YPEL5: variants seen among roughly 807,000 people sequenced by gnomAD.
The protein encoded by YPEL5 is protein yippee-like 5.
In YPEL5, 1 loss-of-function variant was observed where a neutral mutation model predicts 10.5. The observed-to-expected ratio is 0.10, with a 90% CI of 0.03 to 0.45. The LOEUF is 0.45. Ranked by LOEUF, YPEL5 falls within the 20% of genes least tolerant of loss-of-function variation. The pLI is 0.97. For missense variants in YPEL5, 68 were observed against 159.3 expected (o/e 0.43, Z 3.09); for synonymous variants, 61 against 56.6 (o/e 1.08, Z -0.35).
At chr2:30,147,875 C>T (rs554335894) in intron 1 of YPEL5, 1 of 154,004 alleles carries the variant, frequency 6.5e-6, no homozygotes, top group East Asian at 1.9e-4. Context: ...CGCTCTGCCG[C>T]CCCGGTCCCT....
Position 30,158,947 on chromosome 2 carries a change from C to G in YPEL5, c.*104C>G, listed in dbSNP as rs1029734512. ...GCATCAGAGTCGGATTAATGAACTG[C>G]GGAACAAGAGGTTGTGAGAATCTAA... On this transcript the variant is annotated 3_prime_UTR_variant, in exon 3 of 3. Coordinates refer to ENST00000261353, the MANE Select transcript of YPEL5 (RefSeq NM_016061.3). 2 of 1,052,642 alleles carry G rather than the reference C, an allele frequency of 1.9e-6. No homozygotes were observed. The highest frequency in any genetic ancestry group is 2.8e-6 in the Non-Finnish European group (2 of 724,652). The allele number at this position is 1,052,642 out of a possible 1,614,324, so 65.2% of individuals were successfully genotyped here.
At chr2:30,147,568 G>A (rs959018271) in intron 1 of YPEL5, 5 of 151,214 alleles carry the variant, frequency 3.3e-5, no homozygotes, top group Admixed American at 1.3e-4. Flanking sequence ...GTCGGAACTT[G>A]ACCGAGTTGT....
In YPEL5 at chr2:30,158,508, A is replaced by C. The variant is rs1572762886; in HGVS notation, c.142-111A>C. On this transcript the variant is annotated intron_variant, in intron 2 of 2. Coordinates refer to ENST00000261353, the MANE Select transcript of YPEL5 (RefSeq NM_016061.3). ...GTATTATAGGTTTGACTAAACTAAC[A>C]AGTTCTTTCTCCTTTTCTGAAGTTG... 3.9e-6 allele frequency: 4 copies of C among 1,021,384 alleles called. No homozygotes were observed. In the East Asian group the frequency reaches 7.6e-5, roughly 19 times the overall value. The allele number at this position is 1,021,384 out of a possible 1,614,324, so 63.3% of individuals were successfully genotyped here. A position where few individuals can be genotyped will look rare whatever the true frequency, so the allele number is the denominator to read the frequency against.
intron 1 of YPEL5, among the ~76,000 whole-genome samples, chr2:30,154,228 A>G (rs1558357447): frequency 6.6e-6 from 1 of 152,248 alleles, no homozygotes; most frequent in Non-Finnish European, 1.5e-5. Flanking sequence ...CTATACCTCA[A>G]CGGCTGAGAC....
At chr2:30,149,389 G>C (rs1311608889) in intron 1 of YPEL5, among the ~76,000 whole-genome samples, 1 of 152,178 alleles carries the variant, frequency 6.6e-6, no homozygotes, top group Non-Finnish European at 1.5e-5. Flanking sequence ...CAAGAGGAAA[G>C]CAGAGCTTGC....
intron 2 of YPEL5, among the ~76,000 whole-genome samples, chr2:30,157,232 G>C (rs968014120): frequency 6.6e-6 from 1 of 151,600 alleles, no homozygotes. Context: ...GTGGTGAGCC[G>C]AGATAGCGCC....
intron 1 of YPEL5, among the ~76,000 whole-genome samples, chr2:30,154,489 C>T (rs374168736): frequency 3.3e-5 from 5 of 152,234 alleles, no homozygotes; most frequent in African/African-American, 1.2e-4. Flanking sequence ...GAATATGTGC[C>T]CTCCCCATTG....
intron 1 of YPEL5, among the ~76,000 whole-genome samples, chr2:30,152,376 C>T (rs978616436): frequency 2.0e-5 from 3 of 152,072 alleles, no homozygotes; most frequent in Non-Finnish European, 2.9e-5. Flanking sequence ...AAGTTTTATC[C>T]GGATGTGAGG....
intron 1 of YPEL5, among the ~76,000 whole-genome samples, chr2:30,151,264 CTT>C (rs1470568411): frequency 3.9e-5 from 6 of 151,994 alleles, no homozygotes; most frequent in Admixed American, 3.3e-4. Flanking sequence ...CCTGGAGACT[CTT>C]TGGCTCTGAA....
rs138638031 is a variant in YPEL5, at chr2:30,159,168, G to A, written c.*325G>A. 1.7e-3 allele frequency: 401 copies of A among 238,102 alleles called. 1 individual carries two copies. The highest frequency in any genetic ancestry group is 8.4e-3 in the African/African-American group (371 of 44,414). The allele number at this position is 238,102 out of a possible 1,614,324, so 14.7% of individuals were successfully genotyped here. ...ATCTGGGCTGTTAGAGTGAAAAAGT[G>A]TGTTTTATGTCAATTGTGAAAGGAA... On this transcript the variant is annotated 3_prime_UTR_variant, in exon 3 of 3. Coordinates refer to ENST00000261353, the MANE Select transcript of YPEL5 (RefSeq NM_016061.3).
At chr2:30,156,270 A>G (rs1308415813) in intron 1 of YPEL5, 3 of 184,118 alleles carry the variant, frequency 1.6e-5, no homozygotes, top group African/African-American at 2.3e-5. Flanking sequence ...CATTTATGCT[A>G]AACCTTTTTT....
intron 1 of YPEL5, among the ~76,000 whole-genome samples, chr2:30,152,822 T>C (rs1675863100): frequency 6.6e-6 from 1 of 152,178 alleles, no homozygotes; most frequent in Admixed American, 6.5e-5. Context: ...CAATATGTTA[T>C]TCAGGTCCAG....
intron 1 of YPEL5, among the ~76,000 whole-genome samples, chr2:30,148,782 G>C (rs1675641021): frequency 6.6e-6 from 1 of 152,138 alleles, no homozygotes; most frequent in South Asian, 2.1e-4. Flanking sequence ...AAAAGTGAAA[G>C]GAAATAAGGC....
chr2:30,148,606 C>T (rs151080596), intron 1 of YPEL5: 43 of 152,246 alleles, frequency 2.8e-4, no homozygotes, highest in East Asian at 2.1e-3. Flanking sequence ...AATCAAAAGT[C>T]GTGGACAAAG....
intron 1 of YPEL5, chr2:30,148,265 G>A (rs988252914): frequency 6.6e-6 from 1 of 152,218 alleles, no homozygotes; most frequent in African/African-American, 2.4e-5. Flanking sequence ...GTAATCTGAG[G>A]ATTTTTATTC....
chr2:30,154,657 G>T (rs1406659404), intron 1 of YPEL5, among the ~76,000 whole-genome samples: 1 of 152,218 alleles, frequency 6.6e-6, no homozygotes, highest in Non-Finnish European at 1.5e-5. Flanking sequence ...TCTGTTCACT[G>T]CTGTATTCCT....
intron 1 of YPEL5, among the ~76,000 whole-genome samples, chr2:30,151,270 CT>C: frequency 6.6e-6 from 1 of 151,946 alleles, no homozygotes; most frequent in Non-Finnish European, 1.5e-5. Flanking sequence ...GACTCTTTGG[CT>C]CTGAAGAGAA....
At chr2:30,153,944 G>A (rs986585350) in intron 1 of YPEL5, among the ~76,000 whole-genome samples, 6 of 152,218 alleles carry the variant, frequency 3.9e-5, no homozygotes, top group Non-Finnish European at 8.8e-5. Flanking sequence ...GATCACAGTA[G>A]TTTTTAGCCA....
Position 30,158,877 on chromosome 2 carries a change from T to G in YPEL5, c.*34T>G. The G allele has an allele frequency of 1.2e-6, 2 of 1,605,698 alleles. No homozygotes were observed. The highest frequency in any genetic ancestry group is 1.3e-5 in the African/African-American group (1 of 74,780). Reference sequence around the variant, plus strand: ...AGAGAAATCCATCTTTTCCCAGGTCTCCTTCACTGAAAACAAAAATCTACT... The same window carrying G: ...AGAGAAATCCATCTTTTCCCAGGTCGCCTTCACTGAAAACAAAAATCTACT... On this transcript the variant is annotated 3_prime_UTR_variant, in exon 3 of 3. Transcript: ENST00000261353.
Sources: allele counts gnomAD v4.1 joint callset (sites outside exome capture counted in the v4.1 genomes callset), GRCh38; gene constraint gnomAD v4.1.1; transcripts MANE v1.5; gene names NCBI Gene and HGNC (gene_info 2026-07-23, HGNC 2026-07-21).